Variants in ZNF536 observed in about 807,000 individuals in gnomAD.
ZNF536 encodes the protein zinc finger protein 536.
ZNF536 carries 13 observed loss-of-function variants against 84.5 expected under a neutral mutation model. That is an observed-to-expected ratio of 0.15 (90% CI 0.10 to 0.24). The LOEUF is 0.24. Among genes scored for constraint, ZNF536 ranks in the 10% least tolerant of loss-of-function variants. ZNF536 has a pLI of 1.00. For missense variants in ZNF536, 1,536 were observed against 1,747.5 expected, an observed-to-expected ratio of 0.88 and a Z score of 2.16; for synonymous variants, 811 against 742.5, an observed-to-expected ratio of 1.09 and a Z score of -1.50.
At chr19:30,252,580 C>T (rs1013419732) in intron 1 of ZNF536, among the ~76,000 whole-genome samples, 2 of 144,958 alleles carry the variant, frequency 1.4e-5, no homozygotes, top group African/African-American at 5.1e-5. Flanking sequence ...CGAGAGACAC[C>T]TGCCTACCAT....
In ZNF536 at chr19:30,444,832, G is replaced by A; in HGVS notation, c.1270G>A (p.Ala424Thr). The part of the protein sequence containing the change: ...PMGGMSQEAH[A>T]NLYSRYLSCL... ...GGGCGGCATGTCCCAGGAGGCCCAC[G>A]CCAACCTGTACTCCAGGTACCTCTC... Residue 424 changes from alanine (A) to threonine (T), a missense_variant, in exon 2 of 5, where the codon GCC becomes ACC. Around this residue, in one of 8 missense-constraint regions of ZNF536, gnomAD observed 366 missense variants for 364.4 expected, o/e 1.00. Transcript: ENST00000355537. The A allele has an allele frequency of 1.2e-6, 2 of 1,613,726 alleles. No homozygotes were observed. Among genetic ancestry groups the A allele is most frequent in the Non-Finnish European group, 1.7e-6 (2 of 1,180,038 alleles).
At chr19:30,311,938 T>TG (rs903521455) in intron 2 of ZNF536, among the ~76,000 whole-genome samples, 1 of 152,042 alleles carries the variant, frequency 6.6e-6, no homozygotes, top group African/African-American at 2.4e-5. Flanking sequence ...TGAGGTGGTG[T>TG]GCACCTGTCA....
intron 2 of ZNF536, among the ~76,000 whole-genome samples, chr19:30,498,866 G>A (rs1327840039): frequency 1.3e-5 from 2 of 152,056 alleles, no homozygotes; most frequent in Non-Finnish European, 1.5e-5. Context: ...TACCGGGGGC[G>A]CAAGTAGGCA....
chr19:30,635,235 A>G (rs2049026014), intron 1 of ZNF536, among the ~76,000 whole-genome samples: 1 of 152,218 alleles, frequency 6.6e-6, no homozygotes, highest in African/African-American at 2.4e-5. Flanking sequence ...AAGTAAAGAA[A>G]CAGGCATATG....
chr19:30,475,284 G>A (rs2053799067), intron 2 of ZNF536, among the ~76,000 whole-genome samples: 1 of 151,996 alleles, frequency 6.6e-6, no homozygotes, highest in African/African-American at 2.4e-5. Flanking sequence ...GTTTGACTCA[G>A]ATTTCTCTTA....
intron 2 of ZNF536, among the ~76,000 whole-genome samples, chr19:30,511,285 T>A (rs1036692953): frequency 1.3e-5 from 2 of 152,180 alleles, no homozygotes; most frequent in African/African-American, 4.8e-5. Flanking sequence ...CCTTCCCTTG[T>A]CTGATAGAAT....
intron 1 of ZNF536, among the ~76,000 whole-genome samples, chr19:30,380,108 A>G (rs1232475979): frequency 6.6e-6 from 1 of 152,226 alleles, no homozygotes; most frequent in Non-Finnish European, 1.5e-5. Flanking sequence ...GCTGAGCTGA[A>G]GACCCCAACA....
Position 30,321,752 on chromosome 19 carries a change from G to GT in ZNF536, c.-119-30612dup, listed in dbSNP as rs1365633374. Reference sequence around the variant, plus strand: ...AGTCTACCTGGCTAATTTAATTTTTGTTTTCTTTTTTCTTTTTTTTCTTTC... The same window carrying GT: ...AGTCTACCTGGCTAATTTAATTTTTGTTTTTCTTTTTTCTTTTTTTTCTTTC... On this transcript the variant is annotated intron_variant, in intron 2 of 5. Transcript: ENST00000585628. Among the ~76,000 whole-genome samples, 65 of 127,742 alleles carry GT rather than the reference G, an allele frequency of 5.1e-4. 1 individual carries two copies. Among genetic ancestry groups the GT allele is most frequent in the Non-Finnish European group, 8.0e-4 (45 of 56,528 alleles). 83.8% of individuals were successfully genotyped at this position (127,742 alleles called of 152,430 possible).
intron 1 of ZNF536, among the ~76,000 whole-genome samples, chr19:30,707,073 G>A (rs1324589791): frequency 6.6e-6 from 1 of 152,066 alleles, no homozygotes; most frequent in African/African-American, 2.4e-5. Context: ...AGTGAGTCCT[G>A]GGCATAGCTT....
intron 1 of ZNF536, among the ~76,000 whole-genome samples, chr19:30,390,431 A>G (rs905849628): frequency 6.6e-6 from 1 of 152,178 alleles, no homozygotes; most frequent in African/African-American, 2.4e-5. Flanking sequence ...AGGCAGCTGC[A>G]GGGGAGTTTC....
At chr19:30,590,892 A>G (rs2047256333) in intron 1 of ZNF536, among the ~76,000 whole-genome samples, 1 of 152,242 alleles carries the variant, frequency 6.6e-6, no homozygotes, top group African/African-American at 2.4e-5. Context: ...GATGGTTGCT[A>G]ACCTTCCCAG....
chr19:30,362,913 G>A (rs1358841777), intron 3 of ZNF536, among the ~76,000 whole-genome samples: 2 of 152,114 alleles, frequency 1.3e-5, no homozygotes, highest in Admixed American at 1.3e-4. Context: ...ACAAAAATTA[G>A]CCAGGCGTGA....
chr19:30,463,708 C>T lies in ZNF536; in HGVS notation c.2170+17976C>T, dbSNP rs145876398. 1.7e-3 allele frequency among the ~76,000 whole-genome samples: 263 copies of T among 152,292 alleles called. 2 individuals carry two copies. Among genetic ancestry groups the T allele is most frequent in the Middle Eastern group, 0.01 (3 of 294 alleles). Reference sequence around the variant, plus strand: ...CCAACTGGGATTTAGTCCTTCCCACCGCTCTTCCTGTAAGAACCTAAATTT... The same window carrying T: ...CCAACTGGGATTTAGTCCTTCCCACTGCTCTTCCTGTAAGAACCTAAATTT... On this transcript the variant is annotated intron_variant, in intron 2 of 4. Transcript: ENST00000355537.
At chr19:30,351,955 A>C (rs2047945370) in intron 2 of ZNF536, among the ~76,000 whole-genome samples, 1 of 152,256 alleles carries the variant, frequency 6.6e-6, no homozygotes, top group South Asian at 2.1e-4. Flanking sequence ...ATATAATCAT[A>C]TCAATCCCTG....
At chr19:30,458,445 C>CTTTTTTT (rs1568451738) in intron 2 of ZNF536, among the ~76,000 whole-genome samples, 10 of 93,676 alleles carry the variant, frequency 1.1e-4, no homozygotes, top group African/African-American at 4.7e-4. Context: ...CAATTTCCTG[C>CTTTTTTT]TGTTTTTTTT....
chr19:30,268,341 C>G (rs1042433709), intron 1 of ZNF536, among the ~76,000 whole-genome samples: 1 of 152,188 alleles, frequency 6.6e-6, no homozygotes, highest in South Asian at 2.1e-4. Flanking sequence ...TAGTCCACCT[C>G]TCAACCCATC....
At position 30,700,240 on chromosome 19, in the gene ZNF536, C is replaced by CTTTCTTTCTT. The variant is rs780887483; in HGVS notation, c.170-10516_170-10515insTTCTTTCTTT. ...TCTTTCTTTCTTTCTTTCTTTCTTT[C>CTTTCTTTCTT]TCTCTCTCTCTCTCTTTCTTTCTTT... On this transcript the variant is annotated intron_variant, in intron 1 of 1. Coordinates refer to the ZNF536 transcript ENST00000592773. Among the ~76,000 whole-genome samples the CTTTCTTTCTT allele has an allele frequency of 3.6e-3, 388 of 108,238 alleles. 2 individuals carry two copies. The highest frequency in any genetic ancestry group is 0.011 in the African/African-American group (298 of 26,930). 71.0% of individuals were successfully genotyped at this position (108,238 alleles called of 152,430 possible). A position where few individuals can be genotyped will look rare whatever the true frequency, so the allele number is the denominator to read the frequency against.
intron 2 of ZNF536, among the ~76,000 whole-genome samples, chr19:30,494,820 C>T (rs2054650178): frequency 6.6e-6 from 1 of 151,940 alleles, no homozygotes; most frequent in African/African-American, 2.4e-5. Flanking sequence ...GTGGCGTGCA[C>T]CTATAATCCC....
chr19:30,367,248 G>A (rs1440270833), intron 3 of ZNF536, among the ~76,000 whole-genome samples: 2 of 152,154 alleles, frequency 1.3e-5, no homozygotes, highest in Non-Finnish European at 2.9e-5. Flanking sequence ...GGGTGGGAGG[G>A]GAGCGTGCCG....
Sources: allele counts gnomAD v4.1 joint callset (sites outside exome capture counted in the v4.1 genomes callset), GRCh38; gene constraint gnomAD v4.1.1; regional missense constraint gnomAD v4.1.1; transcripts MANE v1.5; gene names NCBI Gene and HGNC (gene_info 2026-07-23, HGNC 2026-07-21).